Variants in PCDHGB2 observed in about 807,000 individuals in gnomAD.
PCDHGB2 encodes the protein protocadherin gamma-B2.
In PCDHGB2, 55 loss-of-function variants were observed where a neutral mutation model predicts 59.3. The ratio of observed to expected loss-of-function variants is 0.93; its 90% CI spans 0.75 to 1.16. The LOEUF is 1.16. Ranked by LOEUF, PCDHGB2 falls within the 50% of genes most tolerant of loss-of-function variation. The pLI, the probability that PCDHGB2 is intolerant of heterozygous loss-of-function variation, is 0.00. For missense variants in PCDHGB2, 1,228 were observed against 1,198.5 expected (o/e 1.02, Z -0.36); for synonymous variants, 516 against 512.0 (o/e 1.01, Z -0.11).
intron 3 of PCDHGB2, among the ~76,000 whole-genome samples, chr5:141,509,265 C>G (rs1296179995): frequency 1.3e-5 from 2 of 152,138 alleles, no homozygotes; most frequent in African/African-American, 4.8e-5. Flanking sequence ...TTTAGTCACT[C>G]TCGCTACCCG....
chr5:141,394,746 G>A (rs1380467870), intron 1 of PCDHGB2: 3 of 1,613,418 alleles, frequency 1.9e-6, no homozygotes. Flanking sequence ...CCTCGTGGTG[G>A]CCGTCCAGGA....
intron 1 of PCDHGB2, among the ~76,000 whole-genome samples, chr5:141,460,912 G>GTGTATATATA (rs145509489): frequency 6.7e-6 from 1 of 149,236 alleles, no homozygotes; most frequent in Non-Finnish European, 1.5e-5. Flanking sequence ...ATTCCATGGT[G>GTGTATATATA]TATATATATA....
In PCDHGB2 at chr5:141,361,625, A is replaced by AGCC. The variant is rs747981041; in HGVS notation, c.1493_1495dup (p.Pro498dup). 6.2e-7 allele frequency: 1 copy of AGCC among 1,613,928 alleles called. No homozygotes were observed. The highest frequency in any genetic ancestry group is 1.3e-5 in the African/African-American group (1 of 75,078). On this transcript the variant is annotated inframe_insertion, in exon 1 of 4. Transcript: ENST00000522605. ...TACTCCATCGTAGCGAGCGACCTGA[A>AGCC]GCCGCGGGAGATTTTATCCTACGTG...
At chr5:141,428,223 A>G in intron 1 of PCDHGB2, 1 of 1,169,680 alleles carries the variant, frequency 8.5e-7, no homozygotes. Context: ...TAGTCTTCGC[A>G]GACAGCCTGC....
intron 1 of PCDHGB2, chr5:141,364,871 G>T (rs775321480): frequency 3.7e-6 from 6 of 1,614,010 alleles, no homozygotes; most frequent in Non-Finnish European, 5.1e-6. Flanking sequence ...CTTCTCTCTG[G>T]ATGTGGTAAG....
intron 1 of PCDHGB2, chr5:141,370,134 T>G: frequency 2.5e-6 from 1 of 405,930 alleles, no homozygotes; most frequent in Non-Finnish European, 4.3e-6. Context: ...TTGGAGCTGA[T>G]TTAGTCACCA....
chr5:141,464,306 A>G (rs1438401635), intron 1 of PCDHGB2, among the ~76,000 whole-genome samples: 3 of 150,952 alleles, frequency 2.0e-5, no homozygotes. Context: ...TTGTATGTGC[A>G]CATATCATTA....
At chr5:141,422,168 G>T in intron 1 of PCDHGB2, 2 of 1,563,582 alleles carry the variant, frequency 1.3e-6, no homozygotes, top group Non-Finnish European at 1.7e-6. Context: ...GAAAAATATA[G>T]ATTCTATGAG....
Position 141,491,402 on chromosome 5 carries a change from C to T in PCDHGB2, c.2422-3405C>T. 1 of 1,614,156 alleles carries T rather than the reference C, an allele frequency of 6.2e-7. No individual in the cohort carries two copies. Among genetic ancestry groups the T allele is most frequent in the Non-Finnish European group, 8.5e-7 (1 of 1,180,022 alleles). ...TCAGCGAAGTGCCTTCAGGGAAACG[C>T]AGACGGGGACGGGGGTGGAGGGCAG... On this transcript the variant is annotated intron_variant, in intron 1 of 3. Transcript: ENST00000522605. The surrounding 1 kb of genome is among the most constrained non-coding windows in gnomAD (Gnocchi z 6.9).
intron 1 of PCDHGB2, chr5:141,400,237 A>C (rs1375797222): frequency 3.7e-6 from 6 of 1,613,750 alleles, no homozygotes; most frequent in African/African-American, 1.3e-5. Flanking sequence ...CCTGGCCGTG[A>C]TTCTGGCCGT....
At chr5:141,475,828 C>T (rs1319658902) in intron 1 of PCDHGB2, 1 of 387,614 alleles carries the variant, frequency 2.6e-6, no homozygotes, top group Admixed American at 4.3e-5. Context: ...GGCGCTAGCG[C>T]GTGTCCTGCT....
intron 1 of PCDHGB2, among the ~76,000 whole-genome samples, chr5:141,444,257 C>T (rs376980362): frequency 1.2e-4 from 18 of 147,512 alleles, no homozygotes; most frequent in East Asian, 6.0e-4. Context: ...CTGCAACCTC[C>T]GCCTCCCAGG....
intron 1 of PCDHGB2, chr5:141,405,052 C>A (rs182635391): frequency 2.0e-4 from 329 of 1,613,956 alleles, no homozygotes; most frequent in Non-Finnish European, 2.5e-4. Flanking sequence ...TGGCAGTCGT[C>A]TCCTGTGTCT....
intron 1 of PCDHGB2, chr5:141,376,307 G>C: frequency 6.2e-7 from 1 of 1,614,192 alleles, no homozygotes; most frequent in Non-Finnish European, 8.5e-7. Flanking sequence ...GCACTTTGTG[G>C]GCGTGGAAGG....
chr5:141,510,510 G>C (rs1042950478), intron 3 of PCDHGB2, among the ~76,000 whole-genome samples: 1 of 152,132 alleles, frequency 6.6e-6, no homozygotes, highest in Non-Finnish European at 1.5e-5. Context: ...CTGAGAGCCC[G>C]TGTCACAGCC....
intron 1 of PCDHGB2, chr5:141,370,517 G>T (rs1766988791): frequency 6.2e-7 from 1 of 1,613,762 alleles, no homozygotes; most frequent in African/African-American, 1.3e-5. Context: ...CCGAGGAGCT[G>T]GACAGGGGCT....
intron 1 of PCDHGB2, chr5:141,376,960 T>C (rs1773581564): frequency 6.1e-6 from 1 of 162,766 alleles, no homozygotes; most frequent in Admixed American, 5.9e-5. Context: ...GTGCTGGGAT[T>C]ACAGGCGTGA....
intron 1 of PCDHGB2, among the ~76,000 whole-genome samples, chr5:141,472,863 G>A (rs2099301197): frequency 6.7e-6 from 1 of 149,994 alleles, no homozygotes. Context: ...GCACATGCCT[G>A]TATTCCCAGC....
intron 1 of PCDHGB2, chr5:141,478,479 C>T (rs750055106): frequency 1.9e-6 from 3 of 1,613,550 alleles, no homozygotes; most frequent in Admixed American, 1.7e-5. Context: ...CGCCAGAACA[C>T]GCTGCGGAGC....
Sources: gnomAD v4.1 joint callset for allele counts (sites outside exome capture counted in the v4.1 genomes callset) on GRCh38, gnomAD v4.1.1 for gene constraint, Gnocchi (gnomAD v3.1) non-coding constraint, MANE v1.5 for transcripts, NCBI Gene and HGNC (gene_info 2026-07-23, HGNC 2026-07-21) for gene names.